The following PCDH15 variants were observed in gnomAD, a reference collection of about 807,000 sequenced individuals.
PCDH15 encodes the protein protocadherin-15.
Under a neutral mutation model 178.5 loss-of-function variants are expected in PCDH15, and 129 were observed. The observed-to-expected ratio is 0.72, with a 90% CI of 0.63 to 0.84. The LOEUF (loss-of-function observed/expected upper bound fraction) is 0.84, where lower values mean the gene tolerates loss of function less well. PCDH15 is among the 40% of genes least tolerant of loss of function. The pLI, the probability that PCDH15 is intolerant of heterozygous loss-of-function variation, is 0.00. For synonymous variants in PCDH15, 800 were observed against 732.0 expected (o/e 1.09, Z -1.50); for missense variants, 2,230 against 2,099.9 (o/e 1.06, Z -1.21).
At chr10:54,638,675 CACT>C (rs1461027421) in intron 2 of PCDH15, among the ~76,000 whole-genome samples, 1 of 151,816 alleles carries the variant, frequency 6.6e-6, no homozygotes, top group African/African-American at 2.4e-5. Context: ...CCAGCAATTC[CACT>C]ACTAGGTATC....
At chr10:55,232,359 T>C (rs117758143) in intron 1 of PCDH15, among the ~76,000 whole-genome samples, 1 of 152,144 alleles carries the variant, frequency 6.6e-6, no homozygotes, top group East Asian at 1.9e-4. Context: ...AAATATGAAA[T>C]AATAATTTTG....
intron 26 of PCDH15, 119 bp downstream of exon 26, chr10:53,903,124 G>A: frequency 4.3e-6 from 5 of 1,162,962 alleles, no homozygotes; most frequent in Non-Finnish European, 6.1e-6. Context: ...ATAGCTCCAA[G>A]TTTCAGGCTT....
intron 15 of PCDH15, among the ~76,000 whole-genome samples, chr10:54,112,280 G>C (rs2095040243): frequency 6.6e-6 from 1 of 152,110 alleles, no homozygotes; most frequent in Non-Finnish European, 1.5e-5. Context: ...TTGGAGAGGG[G>C]ATTTCCTGTG....
rs10825117 is a variant in PCDH15 at position 53,831,090 on chromosome 10, G to A, written c.4202+225C>T. ...GGTGATATTTCTATTGAAAGAGACCGAATTAGAATCACAGGAATATTGGGC... is the reference window on the plus strand; with the variant it reads ...GGTGATATTTCTATTGAAAGAGACCAAATTAGAATCACAGGAATATTGGGC... On this transcript the variant is annotated intron_variant, in intron 30 of 37. Transcript: ENST00000644397. The A allele has an allele frequency of 0.42, 312,743 of 746,474 alleles. 69,650 individuals carry two copies. Among genetic ancestry groups the A allele is most frequent in the East Asian group, 0.79 (31,321 of 39,716 alleles). The allele number at this position is 746,474 out of a possible 1,614,324, so 46.2% of individuals were successfully genotyped here. A position where few individuals can be genotyped will look rare whatever the true frequency, so the allele number is the denominator to read the frequency against.
chr10:54,393,261 A>G (rs1359149068), intron 3 of PCDH15, among the ~76,000 whole-genome samples: 1 of 152,188 alleles, frequency 6.6e-6, no homozygotes, highest in Non-Finnish European at 1.5e-5. Context: ...GGGGCAACAC[A>G]ATCATATCTC....
rs1289514957 is a variant in PCDH15, at chr10:55,452,522, G to GA, written c.-156+175102dup. On this transcript the variant is annotated intron_variant, in intron 2 of 5. Coordinates refer to the PCDH15 transcript ENST00000613346. Reference sequence around the variant, plus strand: ...TTATCCTAACACTAAGCCCACAATAGAAATAGTGAATAATTCATTCTAGCA... The same window carrying GA: ...TTATCCTAACACTAAGCCCACAATAGAAAATAGTGAATAATTCATTCTAGCA... 3.3e-5 allele frequency among the ~76,000 whole-genome samples: 5 copies of GA among 152,082 alleles called. 1 individual carries two copies. The East Asian group carries it at 9.6e-4, about 29-fold the overall frequency.
chr10:54,175,054 G>T (rs1171208688), intron 13 of PCDH15, among the ~76,000 whole-genome samples: 1 of 152,084 alleles, frequency 6.6e-6, no homozygotes, highest in African/African-American at 2.4e-5. Flanking sequence ...TTAAAATTGT[G>T]TACTAATGTA....
intron 25 of PCDH15, among the ~76,000 whole-genome samples, chr10:53,931,711 T>TA (rs1015195553): frequency 6.6e-6 from 1 of 152,094 alleles, no homozygotes; most frequent in Admixed American, 6.5e-5. Flanking sequence ...TTATAATTTT[T>TA]AAAAAAATTG....
intron 2 of PCDH15, among the ~76,000 whole-genome samples, chr10:55,548,218 A>G (rs992422579): frequency 3.5e-4 from 47 of 133,712 alleles, no homozygotes; most frequent in African/African-American, 1.2e-3. Context: ...ATGCACACAC[A>G]CACACACACA....
intron 1 of PCDH15, among the ~76,000 whole-genome samples, chr10:54,704,123 T>G (rs1591162691): frequency 6.6e-6 from 1 of 152,056 alleles, no homozygotes; most frequent in East Asian, 1.9e-4. Context: ...ATTAAATACT[T>G]CAATATAAAA....
chr10:53,806,655 T>A lies in PCDH15; in HGVS notation c.5147A>T (p.Asp1716Val). 1.2e-6 allele frequency: 2 copies of A among 1,613,828 alleles called. No homozygotes were observed. The highest frequency in any genetic ancestry group is 1.7e-6 in the Non-Finnish European group (2 of 1,179,778). The change falls in exon 38 of 38, where the codon GAC (aspartate) becomes GTC (valine). Residue 1716 changes from aspartate to valine, a missense_variant. Physicochemically the swap from Asp to Val is radical, Grantham distance 152. Transcript: ENST00000644397. ...NIKEALEFHSDHTQSDDEELW... is the reference protein window; with the variant it reads ...NIKEALEFHSVHTQSDDEELW... ...CTCTTCATCATCAGACTGTGTGTGG[T>A]CACTATGAAATTCCAAAGCCTCCTT...
At chr10:55,467,201 A>G (rs1308567925) in intron 2 of PCDH15, among the ~76,000 whole-genome samples, 1 of 152,204 alleles carries the variant, frequency 6.6e-6, no homozygotes, top group Non-Finnish European at 1.5e-5. Context: ...AATCCAAGCA[A>G]ATAAAATGAA....
intron 6 of PCDH15, among the ~76,000 whole-genome samples, chr10:54,342,575 G>GGAGTTCCCACACA (rs1554913439): frequency 6.6e-6 from 1 of 151,756 alleles, no homozygotes; most frequent in African/African-American, 2.4e-5. Flanking sequence ...AAGTGGAATT[G>GGAGTTCCCACACA]GAGTCCCCAC....
At chr10:54,141,744 G>A (rs1473505634) in intron 14 of PCDH15, among the ~76,000 whole-genome samples, 1 of 152,124 alleles carries the variant, frequency 6.6e-6, no homozygotes, top group East Asian at 1.9e-4. Flanking sequence ...TATCTCTGAT[G>A]GGCATTCATG....
chr10:53,877,570 G>A (rs746190801), intron 26 of PCDH15, among the ~76,000 whole-genome samples: 10 of 152,078 alleles, frequency 6.6e-5, no homozygotes, highest in Non-Finnish European at 1.3e-4. Flanking sequence ...TGAACTTCCT[G>A]ATTTTTCCTT....
intron 3 of PCDH15, among the ~76,000 whole-genome samples, chr10:54,461,898 G>A (rs2077188069): frequency 6.6e-6 from 1 of 151,806 alleles, no homozygotes; most frequent in Non-Finnish European, 1.5e-5. Flanking sequence ...AGTTATTAGG[G>A]TAAGAACTTA....
At position 54,616,601 on chromosome 10, in the gene PCDH15, A is replaced by T. The variant is rs185957827; in HGVS notation, c.91+47571T>A. On this transcript the variant is annotated intron_variant, in intron 2 of 37. Transcript: ENST00000644397. ...TTGGGTACAGAATTCTGATTTTTTT[A>T]AAAAATTAACTCTAGTTAACTTTGA... 1.6e-3 allele frequency among the ~76,000 whole-genome samples: 251 copies of T among 152,194 alleles called. 2 individuals carry two copies. The highest frequency in any genetic ancestry group is 5.8e-3 in the African/African-American group (243 of 41,556).
chr10:55,135,708 G>A (rs578070602), intron 2 of PCDH15, among the ~76,000 whole-genome samples: 6 of 145,022 alleles, frequency 4.1e-5, no homozygotes, highest in Admixed American at 7.1e-5. Context: ...TCAGCCTCCC[G>A]AGTAGCTGGG....
chr10:54,223,722 G>C (rs1426331455), intron 9 of PCDH15, among the ~76,000 whole-genome samples: 1 of 151,582 alleles, frequency 6.6e-6, no homozygotes, highest in African/African-American at 2.4e-5. Flanking sequence ...TTTTTATTTA[G>C]AGCAAAGAAT....
Sources: gnomAD v4.1 joint callset for allele counts (sites outside exome capture counted in the v4.1 genomes callset) on GRCh38, gnomAD v4.1.1 for gene constraint, MANE v1.5 for transcripts, NCBI Gene and HGNC (gene_info 2026-07-23, HGNC 2026-07-21) for gene names.